GABRG3: variants seen among roughly 807,000 people sequenced by gnomAD.
The protein encoded by GABRG3 is gamma-aminobutyric acid receptor subunit gamma-3.
GABRG3 carries 25 observed loss-of-function variants against 48.8 expected under a neutral mutation model. That is an observed-to-expected ratio of 0.51 (90% CI 0.37 to 0.72). The LOEUF is 0.72. Among genes scored for constraint, GABRG3 ranks in the 30% least tolerant of loss-of-function variants. GABRG3 has a pLI of 0.00. For synonymous variants in GABRG3, 227 were observed against 217.6 expected, an observed-to-expected ratio of 1.04 and a Z score of -0.38; for missense variants, 394 against 577.9, an observed-to-expected ratio of 0.68 and a Z score of 3.26.
intron 5 of GABRG3, among the ~76,000 whole-genome samples, chr15:27,351,439 T>C (rs1045993571): frequency 2.0e-5 from 3 of 150,220 alleles, no homozygotes; most frequent in African/African-American, 7.4e-5. Context: ...GTATGGTGTG[T>C]GTGTATATGG....
At chr15:27,458,051 C>T (rs867248778) in intron 5 of GABRG3, among the ~76,000 whole-genome samples, 1 of 152,136 alleles carries the variant, frequency 6.6e-6, no homozygotes, top group Middle Eastern at 3.2e-3. Context: ...TGGGTTCTCT[C>T]TTCTCCTCTG....
At chr15:27,033,786 G>T (rs6606860) in intron 3 of GABRG3, among the ~76,000 whole-genome samples, 2 of 151,898 alleles carry the variant, frequency 1.3e-5, no homozygotes, top group South Asian at 4.1e-4. Flanking sequence ...TATTGCTGTC[G>T]TAGATTTTTT....
Position 27,131,759 on chromosome 15 carries a change from T to C in GABRG3, c.270+104938T>C, listed in dbSNP as rs144689407. 3.2e-3 allele frequency among the ~76,000 whole-genome samples: 482 copies of C among 152,208 alleles called. 1 individual carries two copies. Among genetic ancestry groups the C allele is most frequent in the African/African-American group, 0.011 (466 of 41,578 alleles). On this transcript the variant is annotated intron_variant, in intron 3 of 9. Coordinates refer to ENST00000615808, the MANE Select transcript of GABRG3 (RefSeq NM_033223.5). ...TTATACCTGTACTAATTTACATTTC[T>C]ACCTCATCAGCGGTTCTCCTTTCTC...
At chr15:27,516,110 G>GA (rs59600619) in intron 6 of GABRG3, among the ~76,000 whole-genome samples, 1,399 of 122,992 alleles carry the variant, frequency 0.011, 15 homozygotes, top group Admixed American at 0.037. Context: ...AGCATTTTCA[G>GA]AAAAAAAAAA....
At chr15:27,250,698 A>G (rs1340126088) in intron 3 of GABRG3, among the ~76,000 whole-genome samples, 5 of 152,222 alleles carry the variant, frequency 3.3e-5, no homozygotes, top group Admixed American at 3.3e-4. Context: ...AAGTGCTGGG[A>G]TCACAGGCGT....
intron 3 of GABRG3, among the ~76,000 whole-genome samples, chr15:27,233,173 C>T (rs1889852920): frequency 6.6e-6 from 1 of 152,170 alleles, no homozygotes; most frequent in Admixed American, 6.5e-5. Flanking sequence ...GGAAGGCCTC[C>T]TGGAGGACAG....
intron 6 of GABRG3, among the ~76,000 whole-genome samples, chr15:27,500,273 A>T (rs1424831726): frequency 6.6e-6 from 1 of 152,184 alleles, no homozygotes; most frequent in Non-Finnish European, 1.5e-5. Flanking sequence ...GGACAGAGGC[A>T]GCAGGCACTG....
chr15:27,424,741 A>G (rs1566834876), intron 5 of GABRG3, among the ~76,000 whole-genome samples: 1 of 151,932 alleles, frequency 6.6e-6, no homozygotes, highest in Non-Finnish European at 1.5e-5. Context: ...TTTAGTAGAG[A>G]TGGGGTTTCA....
intron 3 of GABRG3, among the ~76,000 whole-genome samples, chr15:27,058,165 G>T (rs916293480): frequency 1.2e-4 from 19 of 152,222 alleles, no homozygotes; most frequent in African/African-American, 4.6e-4. Context: ...GACTCACTAT[G>T]ATAACGCATC....
intron 3 of GABRG3, among the ~76,000 whole-genome samples, chr15:27,088,977 A>G (rs2140752866): frequency 6.6e-6 from 1 of 152,236 alleles, no homozygotes; most frequent in South Asian, 2.1e-4. Flanking sequence ...AAGCCCGATG[A>G]ACACGGGAGA....
chr15:27,038,398 C>A (rs146705798), intron 3 of GABRG3, among the ~76,000 whole-genome samples: 1 of 152,182 alleles, frequency 6.6e-6, no homozygotes, highest in African/African-American at 2.4e-5. Context: ...TATTACTCCC[C>A]AAACCCAGGC....
intron 2 of GABRG3, among the ~76,000 whole-genome samples, chr15:26,980,251 G>T (rs916830938): frequency 6.6e-6 from 1 of 151,956 alleles, no homozygotes; most frequent in African/African-American, 2.4e-5. Flanking sequence ...CCTTTTTAAA[G>T]AACCAACTTT....
chr15:27,280,366 C>T (rs1035330627), intron 3 of GABRG3: 1 of 152,126 alleles, frequency 6.6e-6, no homozygotes, highest in Non-Finnish European at 1.5e-5. Context: ...CAAGTGCTGA[C>T]CAGACCAGGC....
intron 5 of GABRG3, among the ~76,000 whole-genome samples, chr15:27,341,894 G>C (rs1232961399): frequency 1.3e-5 from 2 of 152,202 alleles, no homozygotes; most frequent in Non-Finnish European, 2.9e-5. Flanking sequence ...AACTGTGTTG[G>C]CTGCAGCCAT....
intron 3 of GABRG3, among the ~76,000 whole-genome samples, chr15:27,285,895 T>C (rs549391434): frequency 3.5e-4 from 53 of 152,292 alleles, no homozygotes; most frequent in African/African-American, 1.2e-3. Flanking sequence ...CTGTTGCTGC[T>C]CTCGACATAT....
intron 5 of GABRG3, among the ~76,000 whole-genome samples, chr15:27,401,827 A>G (rs1001599070): frequency 1.5e-5 from 2 of 136,028 alleles, no homozygotes; most frequent in African/African-American, 5.6e-5. Flanking sequence ...GACCAAATAA[A>G]AATAAGCAAA....
chr15:27,250,490 G>A (rs569344832), intron 3 of GABRG3, among the ~76,000 whole-genome samples: 125 of 152,240 alleles, frequency 8.2e-4, no homozygotes, highest in African/African-American at 2.8e-3. Flanking sequence ...GGAGTGGTGC[G>A]ATCTTGGCTC....
At chr15:27,523,385 T>A (rs150641927) in intron 7 of GABRG3, among the ~76,000 whole-genome samples, 16 of 151,706 alleles carry the variant, frequency 1.1e-4, no homozygotes, top group African/African-American at 3.9e-4. Flanking sequence ...AATTTATTAG[T>A]CTTTATATTA....
intron 5 of GABRG3, among the ~76,000 whole-genome samples, chr15:27,384,512 C>A (rs1344459413): frequency 1.3e-5 from 2 of 152,148 alleles, no homozygotes; most frequent in African/African-American, 4.8e-5. Flanking sequence ...CACACAAGTG[C>A]TTGATAAAGG....
Sources: gnomAD v4.1 joint callset for allele counts (sites outside exome capture counted in the v4.1 genomes callset) on GRCh38, gnomAD v4.1.1 for gene constraint, MANE v1.5 for transcripts, NCBI Gene and HGNC (gene_info 2026-07-23, HGNC 2026-07-21) for gene names.